The following NEDD9 variants were observed in gnomAD, a reference collection of about 807,000 sequenced individuals.
NEDD9 encodes the protein enhancer of filamentation 1.
Under a neutral mutation model 76.6 loss-of-function variants are expected in NEDD9, and 26 were observed. That is an observed-to-expected ratio of 0.34 (90% CI 0.25 to 0.47). NEDD9 has a LOEUF of 0.47. NEDD9 is among the 20% of genes least tolerant of loss of function. NEDD9 has a pLI of 1.00. For missense variants in NEDD9, 937 were observed against 1,058.5 expected (o/e 0.89, Z 1.59); for synonymous variants, 392 against 414.2 (o/e 0.95, Z 0.65).
Position 11,319,490 on chromosome 6 carries a change from TCA to T in NEDD9, c.-152-13337_-152-13336del, listed in dbSNP as rs1030709595. Among the ~76,000 whole-genome samples, 19 of 142,460 alleles carry T rather than the reference TCA, an allele frequency of 1.3e-4. No individual in the cohort carries two copies. In the South Asian group the frequency reaches 2.0e-3, roughly 15 times the overall value. 93.5% of individuals were successfully genotyped at this position (142,460 alleles called of 152,430 possible). ...CACACTCACACTAACAAGCAAATAA[TCA>T]CACACTCATGCACACACACACTAAC... On this transcript the variant is annotated intron_variant, in intron 2 of 3. Coordinates refer to the NEDD9 transcript ENST00000397378.
At chr6:11,355,517 C>T (rs1762549040) in intron 1 of NEDD9, among the ~76,000 whole-genome samples, 1 of 152,132 alleles carries the variant, frequency 6.6e-6, no homozygotes. Flanking sequence ...GGGACTGTCC[C>T]TGTTTTAAAA....
chr6:11,344,442 T>C (rs1441547054), intron 1 of NEDD9, among the ~76,000 whole-genome samples: 2 of 152,226 alleles, frequency 1.3e-5, no homozygotes, highest in Non-Finnish European at 1.5e-5. Flanking sequence ...GTCGTAAGCA[T>C]CACACTCTTC....
intron 3 of NEDD9, among the ~76,000 whole-genome samples, chr6:11,293,448 A>C (rs955733294): frequency 6.6e-6 from 1 of 152,094 alleles, no homozygotes; most frequent in Non-Finnish European, 1.5e-5. Context: ...CATTGTGAGA[A>C]ATTTCTTTGT....
intron 1 of NEDD9, among the ~76,000 whole-genome samples, chr6:11,337,426 G>T (rs1762184979): frequency 1.3e-5 from 2 of 152,082 alleles, no homozygotes; most frequent in Admixed American, 1.3e-4. Flanking sequence ...TATATGTTGT[G>T]GCAATGCAGT....
chr6:11,377,677 T>A (rs923247848), intron 1 of NEDD9, among the ~76,000 whole-genome samples: 1 of 152,340 alleles, frequency 6.6e-6, no homozygotes, highest in Middle Eastern at 3.4e-3. Flanking sequence ...ACTTTGTACT[T>A]GATGCTGGAA....
At chr6:11,309,375 T>C (rs1392350378) in intron 2 of NEDD9, among the ~76,000 whole-genome samples, 2 of 152,204 alleles carry the variant, frequency 1.3e-5, no homozygotes, top group Non-Finnish European at 2.9e-5. Flanking sequence ...CGTAGATCTT[T>C]ATCTGTTTCT....
chr6:11,235,743 CA>C (rs1255703191), upstream of NEDD9, among the ~76,000 whole-genome samples: 1 of 152,134 alleles, frequency 6.6e-6, no homozygotes, highest in African/African-American at 2.4e-5. This position sits in a 1 kb window ranked among gnomAD's most constrained non-coding sequence, Gnocchi z 4.1. Flanking sequence ...AGAAGTGACC[CA>C]GGGGAAGGGC....
chr6:11,363,972 G>C lies in NEDD9; in HGVS notation c.-214+18167C>G, dbSNP rs1013678. On this transcript the variant is annotated intron_variant, in intron 1 of 3. Transcript: ENST00000397378. ...TTCACATAGCAGGTCTGAGACTGCT[G>C]TCTCAATCCTGCTTGCAAGGCTGGC... is the stretch of plus-strand genomic sequence containing the variant. Among the ~76,000 whole-genome samples, 274 of 152,156 alleles carry C rather than the reference G, an allele frequency of 1.8e-3. 2 individuals carry two copies. The highest frequency in any genetic ancestry group is 0.013 in the East Asian group (69 of 5,156).
At chr6:11,278,242 T>A (rs936967317) in intron 3 of NEDD9, among the ~76,000 whole-genome samples, 3 of 152,182 alleles carry the variant, frequency 2.0e-5, no homozygotes, top group Non-Finnish European at 4.4e-5. Context: ...CTCTCCTCCT[T>A]GTTCATCTGA....
In NEDD9 at chr6:11,213,836, C is replaced by A; in HGVS notation, c.13-109G>T. 1.0e-6 allele frequency: 1 copy of A among 972,044 alleles called. No individual in the cohort carries two copies. Among genetic ancestry groups the A allele is most frequent in the Non-Finnish European group, 1.5e-6 (1 of 652,482 alleles). The allele number at this position is 972,044 out of a possible 1,614,324, so 60.2% of individuals were successfully genotyped here. A position where few individuals can be genotyped will look rare whatever the true frequency, so the allele number is the denominator to read the frequency against. ...GGCACACTTCCTGGAAAGAGAGAAG[C>A]ATAAATCTGAACAATAGACTGTAAG... On this transcript the variant is annotated intron_variant, in intron 1 of 6. Coordinates refer to ENST00000379446, the MANE Select transcript of NEDD9 (RefSeq NM_006403.4). The surrounding 1 kb of genome is among the most constrained non-coding windows in gnomAD (Gnocchi z 5.4).
intron 3 of NEDD9, among the ~76,000 whole-genome samples, chr6:11,293,261 C>A (rs1760818399): frequency 6.6e-6 from 1 of 151,078 alleles, no homozygotes; most frequent in African/African-American, 2.4e-5. Context: ...TCATTTTGCA[C>A]AGGAGAAATT....
intron 1 of NEDD9, among the ~76,000 whole-genome samples, chr6:11,342,975 A>G (rs981530227): frequency 3.3e-5 from 5 of 152,162 alleles, no homozygotes; most frequent in African/African-American, 1.2e-4. Context: ...TATGAAAAAG[A>G]AAGAGGGACG....
At chr6:11,321,879 G>A (rs1761814468) in intron 2 of NEDD9, among the ~76,000 whole-genome samples, 1 of 152,148 alleles carries the variant, frequency 6.6e-6, no homozygotes, top group Admixed American at 6.5e-5. Flanking sequence ...CAATGTTAGT[G>A]GGCTAATTTC....
At chr6:11,229,158 C>G (rs1288998833) in intron 1 of NEDD9, among the ~76,000 whole-genome samples, 1 of 152,230 alleles carries the variant, frequency 6.6e-6, no homozygotes, top group African/African-American at 2.4e-5. Context: ...ACACAGGACT[C>G]TGACTTTCAG....
At chr6:11,292,187 G>A (rs973731143) in intron 3 of NEDD9, among the ~76,000 whole-genome samples, 3 of 152,118 alleles carry the variant, frequency 2.0e-5, no homozygotes, top group Non-Finnish European at 4.4e-5. Context: ...GAATAAGTGA[G>A]GCCCATCTAT....
At chr6:11,338,662 A>G (rs1361387349) in intron 1 of NEDD9, among the ~76,000 whole-genome samples, 1 of 152,228 alleles carries the variant, frequency 6.6e-6, no homozygotes, top group East Asian at 1.9e-4. Context: ...AGTGGCTCAC[A>G]CCTGTAATCC....
intron 3 of NEDD9, among the ~76,000 whole-genome samples, chr6:11,295,242 A>G (rs1269127048): frequency 6.6e-6 from 1 of 152,120 alleles, no homozygotes; most frequent in African/African-American, 2.4e-5. Flanking sequence ...ATGTCTTTTC[A>G]GGTTCTCTGC....
At chr6:11,379,282 T>C (rs1045727727) in intron 1 of NEDD9, among the ~76,000 whole-genome samples, 7 of 152,204 alleles carry the variant, frequency 4.6e-5, no homozygotes, top group Non-Finnish European at 1.0e-4. Context: ...GCAACGTTTT[T>C]TTCTTTAAAT....
intron 1 of NEDD9, among the ~76,000 whole-genome samples, chr6:11,219,442 G>C (rs1370376904): frequency 2.6e-5 from 4 of 152,168 alleles, no homozygotes; most frequent in African/African-American, 4.8e-5. Flanking sequence ...GTCATGCAGG[G>C]GATCCTGCCA....
Sources: allele counts gnomAD v4.1 joint callset (sites outside exome capture counted in the v4.1 genomes callset), GRCh38; gene constraint gnomAD v4.1.1; non-coding constraint Gnocchi (gnomAD v3.1); transcripts MANE v1.5; gene names NCBI Gene and HGNC (gene_info 2026-07-23, HGNC 2026-07-21).